The following SARM1 variants were observed in gnomAD, a reference collection of about 807,000 sequenced individuals.
SARM1 encodes the protein NAD(+) hydrolase SARM1.
In SARM1, 60 loss-of-function variants were observed where a neutral mutation model predicts 65.1. The ratio of observed to expected loss-of-function variants is 0.92; its 90% CI spans 0.75 to 1.14. The LOEUF (loss-of-function observed/expected upper bound fraction) is 1.14, where lower values mean the gene tolerates loss of function less well. SARM1 is among the 50% of genes most tolerant of loss of function. SARM1 has a pLI of 0.00. For synonymous variants in SARM1, 417 were observed against 465.4 expected (o/e 0.90, Z 1.34); for missense variants, 913 against 1,015.7 (o/e 0.90, Z 1.37).
In SARM1 at chr17:28,381,754, C is replaced by G. The variant is rs373458416; in HGVS notation, c.1022C>G (p.Ala341Gly). The change falls in exon 2 of 9, where the codon GCG becomes GGG. Residue 341 changes from alanine to glycine, a missense_variant. By Grantham distance (60) the Ala-to-Gly change is moderately conservative. Around this residue, in one of 3 missense-constraint regions of SARM1, gnomAD observed 862 missense variants for 952.1 expected, o/e 0.91. Coordinates refer to ENST00000585482, the MANE Select transcript of SARM1 (RefSeq NM_015077.4). ...VPLLDSNRLEAQCIGAFYLCA... is the reference protein window; with the variant it reads ...VPLLDSNRLEGQCIGAFYLCA... ...TTGCTCGACTCTAACCGCTTGGAGG[C>G]GCAGTGCATCGGGGCTTTCTACCTC... 2 of 1,497,814 alleles carry G rather than the reference C, an allele frequency of 1.3e-6. No homozygotes were observed. The highest frequency in any genetic ancestry group is 2.8e-5 in the African/African-American group (2 of 70,572). The allele number at this position is 1,497,814 out of a possible 1,614,324, so 92.8% of individuals were successfully genotyped here. A position where few individuals can be genotyped will look rare whatever the true frequency, so the allele number is the denominator to read the frequency against.
Position 28,403,660 on chromosome 17 carries a change from T to C in SARM1, c.*7374T>C, listed in dbSNP as rs1597833623. 2 of 151,936 alleles carry C rather than the reference T, an allele frequency of 1.3e-5. No individual in the cohort carries two copies. Among genetic ancestry groups the C allele is most frequent in the Admixed American group, 1.3e-4 (2 of 15,272 alleles). The allele number at this position is 151,936 out of a possible 1,614,324, so 9.4% of individuals were successfully genotyped here. The stretch of plus-strand genomic sequence containing the variant: ...AGTTAAGAAATCTGTGATTATTGTA[T>C]TGTTGACTATACACAGCACATTTTA... On this transcript the variant is annotated 3_prime_UTR_variant, in exon 9 of 9. Transcript: ENST00000585482.
In SARM1 at chr17:28,388,500, G is replaced by A. The variant is rs1405580668; in HGVS notation, c.1884G>A (p.Lys628=). The part of the protein sequence containing the change: ...VLVLSPGALD[K]CMQDHDCKDW... ...TGCTATCACCTGGAGCACTGGACAA[G>A]TGCATGCAAGACCATGACTGCAAGG... The change falls in exon 7 of 9, where the codon AAG becomes AAA. Residue 628 remains lysine, a synonymous_variant. Transcript: ENST00000585482. The A allele has an allele frequency of 6.2e-7, 1 of 1,613,890 alleles. No individual in the cohort carries two copies. Among genetic ancestry groups the A allele is most frequent in the South Asian group, 1.1e-5 (1 of 91,086 alleles).
intron 2 of SARM1, among the ~76,000 whole-genome samples, chr17:28,383,607 C>A (rs781859446): frequency 6.6e-6 from 1 of 152,288 alleles, no homozygotes; most frequent in East Asian, 1.9e-4. Context: ...AGCCTGTCAC[C>A]CCTTTCCCAT....
chr17:28,395,846 G>T, intron 7 of SARM1, 59 bp from the exon 8 acceptor site: 1 of 1,602,046 alleles, frequency 6.2e-7, no homozygotes, highest in Non-Finnish European at 8.5e-7. Context: ...CACCTGCCTG[G>T]CTACAAGGGT....
Position 28,400,078 on chromosome 17 carries a change from A to G in SARM1, c.*3792A>G, listed in dbSNP as rs1472362695. 1 of 277,556 alleles carries G rather than the reference A, an allele frequency of 3.6e-6. No individual in the cohort carries two copies. Among genetic ancestry groups the G allele is most frequent in the South Asian group, 4.4e-5 (1 of 22,894 alleles). The allele number at this position is 277,556 out of a possible 1,614,324, so 17.2% of individuals were successfully genotyped here. A position where few individuals can be genotyped will look rare whatever the true frequency, so the allele number is the denominator to read the frequency against. ...CTGGGTGATTTTTTAAATTTTTTAT[A>G]CAGACAAGGTCTTGCTATGTTGCCC... On this transcript the variant is annotated 3_prime_UTR_variant, in exon 9 of 9. Transcript: ENST00000585482.
rs1555588079 is a variant in SARM1 at position 28,396,551 on chromosome 17, G to A, written c.*265G>A. The A allele has an allele frequency of 5.8e-6, 3 of 517,700 alleles. No individual in the cohort carries two copies. The highest frequency in any genetic ancestry group is 3.8e-5 in the African/African-American group (2 of 52,356). The allele number at this position is 517,700 out of a possible 1,614,324, so 32.1% of individuals were successfully genotyped here. ...TTGGGTTGTCTGTCTCCGTCATGGGGAGGGTCCCTGCTCAGTTCTGGAGAC... is the reference window on the plus strand; with the variant it reads ...TTGGGTTGTCTGTCTCCGTCATGGGAAGGGTCCCTGCTCAGTTCTGGAGAC... On this transcript the variant is annotated 3_prime_UTR_variant, in exon 9 of 9. Transcript: ENST00000585482.
chr17:28,400,030 A>T lies in SARM1; in HGVS notation c.*3744A>T, dbSNP rs1323475781. On this transcript the variant is annotated 3_prime_UTR_variant, in exon 9 of 9. Coordinates refer to ENST00000585482, the MANE Select transcript of SARM1 (RefSeq NM_015077.4). ...TGCCTCAGCCTCCTTAGTAGCTGGG[A>T]CTACCAGTGCATACCACCATGCCTG... is the stretch of plus-strand genomic sequence containing the variant. The T allele has an allele frequency of 1.3e-5, 5 of 373,700 alleles. No homozygotes were observed. The highest frequency in any genetic ancestry group is 2.5e-5 in the Non-Finnish European group (5 of 198,422). 23.1% of individuals were successfully genotyped at this position (373,700 alleles called of 1,614,324 possible). A position where few individuals can be genotyped will look rare whatever the true frequency, so the allele number is the denominator to read the frequency against.
At chr17:28,390,949 A>G (rs1233332749) in intron 7 of SARM1, among the ~76,000 whole-genome samples, 2 of 152,202 alleles carry the variant, frequency 1.3e-5, no homozygotes, top group African/African-American at 2.4e-5. Flanking sequence ...TGGCTGCACT[A>G]CTAGTGTAGA....
chr17:28,382,735 A>C (rs1472912740), intron 2 of SARM1, among the ~76,000 whole-genome samples: 1 of 152,176 alleles, frequency 6.6e-6, no homozygotes, highest in Non-Finnish European at 1.5e-5. Flanking sequence ...TACTTTTTGG[A>C]AACAGAGATC....
chr17:28,384,773 C>G lies in SARM1; in HGVS notation c.1303-66C>G. The G allele has an allele frequency of 7.0e-7, 1 of 1,420,928 alleles. No homozygotes were observed. The highest frequency in any genetic ancestry group is 1.2e-5 in the South Asian group (1 of 81,198). 88.0% of individuals were successfully genotyped at this position (1,420,928 alleles called of 1,614,324 possible). A position where few individuals can be genotyped will look rare whatever the true frequency, so the allele number is the denominator to read the frequency against. ...ACGCCATCTCCAGTTCCTTCCCTTG[C>G]ATCTTGTGCTCGAGGTCCAAGGGCG... is the stretch of plus-strand genomic sequence containing the variant. On this transcript the variant is annotated intron_variant, in intron 3 of 8. Coordinates refer to ENST00000585482, the MANE Select transcript of SARM1 (RefSeq NM_015077.4). This position sits in a 1 kb window ranked among gnomAD's most constrained non-coding sequence, Gnocchi z 4.4.
At position 28,381,802 on chromosome 17, in the gene SARM1, G is replaced by T; in HGVS notation, c.1070G>T (p.Ser357Ile). 6.9e-7 allele frequency: 1 copy of T among 1,451,316 alleles called. No individual in the cohort carries two copies. 89.9% of individuals were successfully genotyped at this position (1,451,316 alleles called of 1,614,324 possible). ...CTCTGCGCCGAGGCTGCCATCAAGA[G>T]CCTGCAAGGCAAGACCAAGGTGGGT... is the stretch of plus-strand genomic sequence containing the variant. ...FYLCAEAAIK[S>I]LQGKTKVFSD... The change falls in exon 2 of 9, where the codon AGC becomes ATC. Residue 357 changes from serine to isoleucine, a missense_variant. By Grantham distance (142) the Ser-to-Ile change is moderately radical. Transcript: ENST00000585482.
chr17:28,401,122 G>A lies in SARM1; in HGVS notation c.*4836G>A. On this transcript the variant is annotated 3_prime_UTR_variant, in exon 9 of 9. Coordinates refer to ENST00000585482, the MANE Select transcript of SARM1 (RefSeq NM_015077.4). The stretch of plus-strand genomic sequence containing the variant: ...TTTATCCTCTTTGGAATCATCTCCT[G>A]TTTGGGATTAACTGCTGGTCTGATC... The A allele has an allele frequency of 2.9e-6, 1 of 344,328 alleles. No homozygotes were observed. The highest frequency in any genetic ancestry group is 5.6e-6 in the Non-Finnish European group (1 of 177,300). The allele number at this position is 344,328 out of a possible 1,614,324, so 21.3% of individuals were successfully genotyped here. A position where few individuals can be genotyped will look rare whatever the true frequency, so the allele number is the denominator to read the frequency against.
Position 28,371,960 on chromosome 17 carries a change from C to T in SARM1, c.-73C>T. The T allele has an allele frequency of 1.6e-6, 2 of 1,221,208 alleles. No homozygotes were observed. Among genetic ancestry groups the T allele is most frequent in the South Asian group, 3.3e-5 (2 of 60,034 alleles). The allele number at this position is 1,221,208 out of a possible 1,614,324, so 75.6% of individuals were successfully genotyped here. ...TTTCCCCGACCCCTCTCGGGTCCCT[C>T]TTTTCCCAAAACCCGGGTCTCTCCG... On this transcript the variant is annotated 5_prime_UTR_variant, in exon 1 of 9. Transcript: ENST00000585482.
rs782331635 is a variant in SARM1 at position 28,396,190 on chromosome 17, G to C, written c.2079G>C (p.Glu693Asp). The C allele has an allele frequency of 1.9e-5, 31 of 1,614,002 alleles. No individual in the cohort carries two copies. The highest frequency in any genetic ancestry group is 2.6e-5 in the Non-Finnish European group (31 of 1,179,868). The change falls in exon 9 of 9, where the codon GAG becomes GAC. Residue 693 changes from glutamate to aspartate, a missense_variant. Glu to Asp is a conservative substitution (Grantham distance 45). Transcript: ENST00000585482. ...ACGAATACCAGGAGGCCACCATTGAGAAGATCATCCGCTTCCTGCAGGGCC... is the reference window on the plus strand; with the variant it reads ...ACGAATACCAGGAGGCCACCATTGACAAGATCATCCGCTTCCTGCAGGGCC... ...WSHEYQEATI[E>D]KIIRFLQGRS... is the part of the protein sequence containing the mutation.
At position 28,399,612 on chromosome 17, in the gene SARM1, G is replaced by A. The variant is rs782746393; in HGVS notation, c.*3326G>A. ...AGCTGCAGACCTCCAGTTGCTTGGT[G>A]TTCACTTTGCTCCTCTTGCCCTCTG... is the stretch of plus-strand genomic sequence containing the variant. On this transcript the variant is annotated 3_prime_UTR_variant, in exon 9 of 9. Coordinates refer to ENST00000585482, the MANE Select transcript of SARM1 (RefSeq NM_015077.4). 53 of 1,606,466 alleles carry A rather than the reference G, an allele frequency of 3.3e-5. No homozygotes were observed. The highest frequency in any genetic ancestry group is 4.3e-5 in the Non-Finnish European group (51 of 1,173,382).
At chr17:28,375,983 C>T (rs912040247) in intron 1 of SARM1, among the ~76,000 whole-genome samples, 1 of 152,132 alleles carries the variant, frequency 6.6e-6, no homozygotes, top group Non-Finnish European at 1.5e-5. Context: ...ATACAATCTT[C>T]CCCTCCTTTG....
chr17:28,386,330 G>A (rs984241027), intron 5 of SARM1, among the ~76,000 whole-genome samples: 3 of 152,064 alleles, frequency 2.0e-5, no homozygotes, highest in Non-Finnish European at 4.4e-5. Context: ...AAAAGTATCA[G>A]TTTGAGGAGT....
intron 1 of SARM1, among the ~76,000 whole-genome samples, chr17:28,377,768 G>T (rs2068001219): frequency 6.6e-6 from 1 of 152,258 alleles, no homozygotes. Flanking sequence ...TATAACCTCG[G>T]CTCACTGCAA....
chr17:28,399,798 G>T lies in SARM1; in HGVS notation c.*3512G>T. The T allele has an allele frequency of 6.9e-7, 1 of 1,453,588 alleles. No individual in the cohort carries two copies. Among genetic ancestry groups the T allele is most frequent in the Non-Finnish European group, 9.6e-7 (1 of 1,037,222 alleles). 90.0% of individuals were successfully genotyped at this position (1,453,588 alleles called of 1,614,324 possible). ...GAGAAGTGACACAGGATTTACTGGG[G>T]TGGGCTGGTCCAGGTAGCTCTCCTG... is the stretch of plus-strand genomic sequence containing the variant. On this transcript the variant is annotated 3_prime_UTR_variant, in exon 9 of 9. Transcript: ENST00000585482.
Sources: gnomAD v4.1 joint callset for allele counts (sites outside exome capture counted in the v4.1 genomes callset) on GRCh38, gnomAD v4.1.1 for gene constraint, gnomAD v4.1.1 regional missense constraint, Gnocchi (gnomAD v3.1) non-coding constraint, MANE v1.5 for transcripts, NCBI Gene and HGNC (gene_info 2026-07-23, HGNC 2026-07-21) for gene names.